Variants in ADCY3 observed in about 807,000 individuals in gnomAD.
ADCY3 encodes the protein adenylate cyclase 3, also known as adenylate cyclase type 3.
ADCY3 carries 70 observed loss-of-function variants against 119.4 expected under a neutral mutation model. The ratio of observed to expected loss-of-function variants is 0.59; its 90% confidence interval spans 0.48 to 0.72. The LOEUF is 0.72. Among genes scored for constraint, ADCY3 ranks in the 30% least tolerant of loss-of-function variants. The pLI, the probability that ADCY3 is intolerant of heterozygous loss-of-function variation, is 0.00. For missense variants in ADCY3, 1,238 were observed against 1,541.6 expected (o/e 0.80, Z 3.30); for synonymous variants, 672 against 621.4 (o/e 1.08, Z -1.21).
intron 21 of ADCY3, 117 bp from the exon 22 acceptor site, chr2:24,820,231 G>C: frequency 8.2e-7 from 1 of 1,214,084 alleles, no homozygotes; most frequent in Non-Finnish European, 1.1e-6. Context: ...AGCAGTACGG[G>C]ACACTCCCCA....
At position 24,838,586 on chromosome 2, in the gene ADCY3, C is replaced by G; in HGVS notation, c.1392G>C (p.Leu464=). ...VHISQSTMDC[L]KGEFDVEPGD... The stretch of plus-strand genomic sequence containing the variant: ...CTGGCTCCACATCAAACTCCCCTTT[C>G]AGGCAGTCCATGGTGCTCTGGGAGA... Residue 464 remains leucine (L), a synonymous_variant, in exon 8 of 22, where the codon CTG becomes CTC. Coordinates refer to ENST00000679454, the MANE Select transcript of ADCY3 (RefSeq NM_004036.5). 3.7e-6 allele frequency: 6 copies of G among 1,614,152 alleles called. No individual in the cohort carries two copies. Among genetic ancestry groups the G allele is most frequent in the Non-Finnish European group, 4.2e-6 (5 of 1,180,046 alleles).
At chr2:24,833,727 G>A (rs1239785115) in intron 11 of ADCY3, among the ~76,000 whole-genome samples, 4 of 152,230 alleles carry the variant, frequency 2.6e-5, no homozygotes, top group Non-Finnish European at 4.4e-5. Context: ...TGGAATGAGT[G>A]AATTTGAGCC....
intron 2 of ADCY3, among the ~76,000 whole-genome samples, chr2:24,896,191 C>T (rs1678254134): frequency 6.6e-6 from 1 of 152,108 alleles, no homozygotes; most frequent in African/African-American, 2.4e-5. Flanking sequence ...TGAGACCAGC[C>T]TGGTCAACAT....
intron 3 of ADCY3, among the ~76,000 whole-genome samples, chr2:24,861,230 G>A (rs1312003765): frequency 3.7e-5 from 5 of 135,894 alleles, no homozygotes; most frequent in African/African-American, 8.4e-5. Flanking sequence ...CAGCCTGGGC[G>A]AAAGAGTGAG....
At chr2:24,869,017 C>T (rs1438124527) in intron 3 of ADCY3, among the ~76,000 whole-genome samples, 1 of 152,110 alleles carries the variant, frequency 6.6e-6, no homozygotes, top group Non-Finnish European at 1.5e-5. Context: ...GAGCCAGACT[C>T]CGTCTCAAAA....
At chr2:24,826,275 CCCCCGG>C in intron 15 of ADCY3, 149 bp from the exon 16 acceptor site, 1 of 664,254 alleles carries the variant, frequency 1.5e-6, no homozygotes, top group Non-Finnish European at 2.6e-6. Context: ...AAGTCGGGCT[CCCCCGG>C]GCAGTAAAAT....
chr2:24,876,744 A>G (rs1675761370), intron 2 of ADCY3, among the ~76,000 whole-genome samples: 1 of 152,158 alleles, frequency 6.6e-6, no homozygotes, highest in African/African-American at 2.4e-5. Context: ...CTCTCATTAC[A>G]GGTGAAGAAC....
At chr2:24,823,492 A>ATC in intron 17 of ADCY3, 137 bp from the exon 18 acceptor site, 1 of 659,678 alleles carries the variant, frequency 1.5e-6, no homozygotes, top group Non-Finnish European at 2.3e-6. Flanking sequence ...TTATTCCAGC[A>ATC]TTTTTTTTTT....
At chr2:24,821,223 A>G (rs941510847) in intron 20 of ADCY3, 1 of 452,688 alleles carries the variant, frequency 2.2e-6, no homozygotes, top group Non-Finnish European at 3.9e-6. Flanking sequence ...CTCAGCAGGC[A>G]CAGCAACCCC....
chr2:24,820,317 G>T, intron 21 of ADCY3: 1 of 1,304,192 alleles, frequency 7.7e-7, no homozygotes, highest in Non-Finnish European at 9.8e-7. Context: ...ACTGGCTGGG[G>T]GCCTCCTCTC....
chr2:24,895,213 C>T (rs1265358013), intron 2 of ADCY3, among the ~76,000 whole-genome samples: 2 of 152,130 alleles, frequency 1.3e-5, no homozygotes, highest in Admixed American at 6.6e-5. Flanking sequence ...GCTTCAGCCT[C>T]CTGAGTAACT....
rs749307054 is a variant in ADCY3, at chr2:24,918,329, A to G, written c.659T>C (p.Met220Thr). The G allele has an allele frequency of 1.3e-6, 2 of 1,573,522 alleles. No homozygotes were observed. Among genetic ancestry groups the G allele is most frequent in the Non-Finnish European group, 1.7e-6 (2 of 1,158,494 alleles). Residue 220 changes from methionine (M) to threonine (T), a missense_variant, in exon 2 of 22, where the codon ATG becomes ACG. Met to Thr is a moderately conservative substitution (Grantham distance 81). Transcript: ENST00000679454. The surrounding 1 kb of genome is among the most constrained non-coding windows in gnomAD (Gnocchi z 5.4). ...AQQQQEELKG[M>T]QLLREILANV... Reference sequence around the variant, plus strand: ...AGGACTCACCTCCCGCAGCAGCTGCATCCCCTTGAGCTCCTCCTGCTGCTG... The same window carrying G: ...AGGACTCACCTCCCGCAGCAGCTGCGTCCCCTTGAGCTCCTCCTGCTGCTG...
Position 24,827,625 on chromosome 2 carries a change from A to C in ADCY3, c.2433-17T>G, listed in dbSNP as rs1291586315. The stretch of plus-strand genomic sequence containing the variant: ...ATAGGTAAGCTGTTGGACAGATAAC[A>C]GCACAGTCAGGCCCCATCTGGGAAC... On this transcript the variant is annotated splice_polypyrimidine_tract_variant and intron_variant, in intron 14 of 21. Transcript: ENST00000679454. The C allele has an allele frequency of 6.3e-7, 1 of 1,575,092 alleles. No individual in the cohort carries two copies. Among genetic ancestry groups the C allele is most frequent in the Admixed American group, 1.8e-5 (1 of 55,864 alleles).
Position 24,872,957 on chromosome 2 carries a change from G to C in ADCY3, c.676-238C>G, listed in dbSNP as rs536580461. Reference sequence around the variant, plus strand: ...TGGCTCAAGGCCTGAAAGGCTCAAGGGTTCCACGAGGGGCAGGGTGCAGGC... The same window carrying C: ...TGGCTCAAGGCCTGAAAGGCTCAAGCGTTCCACGAGGGGCAGGGTGCAGGC... On this transcript the variant is annotated intron_variant, in intron 2 of 21. Coordinates refer to ENST00000679454, the MANE Select transcript of ADCY3 (RefSeq NM_004036.5). This position sits in a 1 kb window ranked among gnomAD's most constrained non-coding sequence, Gnocchi z 4.4. Among the ~76,000 whole-genome samples, 4 of 152,332 alleles carry C rather than the reference G, an allele frequency of 2.6e-5. No individual in the cohort carries two copies. Among genetic ancestry groups the C allele is most frequent in the East Asian group, 1.9e-4 (1 of 5,184 alleles).
At chr2:24,895,605 A>T (rs1487075318) in intron 2 of ADCY3, among the ~76,000 whole-genome samples, 1 of 150,638 alleles carries the variant, frequency 6.6e-6, no homozygotes, top group African/African-American at 2.4e-5. Context: ...CCTTTTGTCA[A>T]TGTTTTTTCT....
chr2:24,887,835 C>A lies in ADCY3; in HGVS notation c.676-15116G>T, dbSNP rs769948528. On this transcript the variant is annotated intron_variant, in intron 2 of 21. Coordinates refer to ENST00000679454, the MANE Select transcript of ADCY3 (RefSeq NM_004036.5). The stretch of plus-strand genomic sequence containing the variant: ...CCCATCTCAGGGTGGGTTGGAGACT[C>A]CTCTATGATGTGTGTAAAGAGCCCA... Among the ~76,000 whole-genome samples, 46 of 152,186 alleles carry A rather than the reference C, an allele frequency of 3.0e-4. 1 individual carries two copies. The highest frequency in any genetic ancestry group is 4.6e-4 in the Admixed American group (7 of 15,280).
At chr2:24,858,379 G>A (rs1448130437) in intron 3 of ADCY3, among the ~76,000 whole-genome samples, 1 of 152,122 alleles carries the variant, frequency 6.6e-6, no homozygotes, top group Admixed American at 6.6e-5. Context: ...TTAACACTCT[G>A]GGAAGGTCAA....
intron 17 of ADCY3, 136 bp from the exon 18 acceptor site, chr2:24,823,491 C>A: frequency 9.0e-6 from 7 of 780,942 alleles, no homozygotes; most frequent in Non-Finnish European, 1.2e-5. Flanking sequence ...ATTATTCCAG[C>A]ATTTTTTTTT....
intron 2 of ADCY3, among the ~76,000 whole-genome samples, chr2:24,874,976 TTC>T (rs1675493465): frequency 6.6e-6 from 1 of 152,204 alleles, no homozygotes; most frequent in Non-Finnish European, 1.5e-5. Flanking sequence ...TGTGAAGTTT[TTC>T]TGAGACAGTT....
Sources: gnomAD v4.1 joint callset for allele counts (sites outside exome capture counted in the v4.1 genomes callset) on GRCh38, gnomAD v4.1.1 for gene constraint, Gnocchi (gnomAD v3.1) non-coding constraint, MANE v1.5 for transcripts, NCBI Gene and HGNC (gene_info 2026-07-23, HGNC 2026-07-21) for gene names.